The following FBLN7 variants were observed in gnomAD, a reference collection of about 807,000 sequenced individuals.
FBLN7 encodes fibulin-7.
A neutral mutation model predicts 44.0 loss-of-function variants in FBLN7; 31 were observed. The ratio of observed to expected loss-of-function variants is 0.70; its 90% CI spans 0.53 to 0.95. The LOEUF is 0.95. Ranked by LOEUF, FBLN7 falls within the 40% of genes least tolerant of loss-of-function variation. The pLI is 0.00. For synonymous variants in FBLN7, 262 were observed against 253.4 expected (o/e 1.03, Z -0.32); for missense variants, 573 against 618.5 (o/e 0.93, Z 0.78).
At chr2:112,186,166 G>A (rs898735171) in intron 7 of FBLN7, among the ~76,000 whole-genome samples, 4 of 152,094 alleles carry the variant, frequency 2.6e-5, no homozygotes, top group African/African-American at 4.8e-5. Context: ...GGTCTATGAC[G>A]GCCTCTGGGG....
chr2:112,182,541 G>A (rs1487992935), intron 5 of FBLN7, among the ~76,000 whole-genome samples: 2 of 151,766 alleles, frequency 1.3e-5, no homozygotes, highest in African/African-American at 4.8e-5. Flanking sequence ...TGCCTTTCTA[G>A]GGCCTAGCAC....
intron 6 of FBLN7, among the ~76,000 whole-genome samples, chr2:112,184,991 GAGGAC>G (rs1315194026): frequency 1.3e-5 from 2 of 151,874 alleles, no homozygotes; most frequent in Non-Finnish European, 2.9e-5. Flanking sequence ...CCCAGGGAAA[GAGGAC>G]AGGATCCCAG....
At chr2:112,180,751 T>TA (rs1682939832) in intron 4 of FBLN7, among the ~76,000 whole-genome samples, 2 of 151,420 alleles carry the variant, frequency 1.3e-5, no homozygotes, top group Non-Finnish European at 2.9e-5. Flanking sequence ...AAACCCCGTC[T>TA]CTACTAAAAA....
intron 1 of FBLN7, among the ~76,000 whole-genome samples, chr2:112,148,297 C>T (rs1680985680): frequency 6.6e-6 from 1 of 152,112 alleles, no homozygotes; most frequent in Admixed American, 6.5e-5. Context: ...GGGGTATCTG[C>T]CCTCATCCTA....
At chr2:112,193,501 TAAGTA>T in the FBLN7 span, among the ~76,000 whole-genome samples, 1 of 152,340 alleles carries the variant, frequency 6.6e-6, no homozygotes, top group African/African-American at 2.4e-5. Context: ...TTGCATAATT[TAAGTA>T]ATCTATAGAT....
the FBLN7 span, among the ~76,000 whole-genome samples, chr2:112,244,421 T>C: frequency 6.6e-6 from 1 of 152,022 alleles, no homozygotes; most frequent in African/African-American, 2.4e-5. Flanking sequence ...AAATGATACT[T>C]AAAAAAAATT....
chr2:112,186,184 C>G (rs780545791), intron 7 of FBLN7, among the ~76,000 whole-genome samples: 1 of 152,082 alleles, frequency 6.6e-6, no homozygotes, highest in Non-Finnish European at 1.5e-5. Context: ...GGGCATTCGA[C>G]CAACAGCTGG....
chr2:112,173,715 C>G (rs1682590887), intron 3 of FBLN7, among the ~76,000 whole-genome samples: 1 of 152,248 alleles, frequency 6.6e-6, no homozygotes, highest in Non-Finnish European at 1.5e-5. Flanking sequence ...TTTGGCTTGC[C>G]AGCCCCTGCC....
rs961952892 is a variant in FBLN7 at position 112,175,900 on chromosome 2, G to A, written c.532+61G>A. On this transcript the variant is annotated intron_variant, in intron 4 of 7. Transcript: ENST00000331203. ...TGCTGTGGGGAGAGGAGGACCCTAG[G>A]CATAGGTCCCCAAATGCAGACATGT... 6 of 1,576,784 alleles carry A rather than the reference G, an allele frequency of 3.8e-6. No homozygotes were observed. In the African/African-American group the frequency reaches 6.8e-5, roughly 18 times the overall value.
rs1491452697 is a variant in FBLN7 at position 112,160,799 on chromosome 2, C to CAA, written c.235+964_235+965insAA. ...ACGCACACGCACGCACACGCACACA[C>CAA]GCACGCACACACACGCACACACAAG... On this transcript the variant is annotated intron_variant, in intron 2 of 7. Transcript: ENST00000331203. Among the ~76,000 whole-genome samples, 169 of 128,296 alleles carry CAA rather than the reference C, an allele frequency of 1.3e-3. 1 individual carries two copies. Among genetic ancestry groups the CAA allele is most frequent in the African/African-American group, 4.1e-3 (145 of 35,216 alleles). The allele number at this position is 128,296 out of a possible 152,430, so 84.2% of individuals were successfully genotyped here.
intron 6 of FBLN7, among the ~76,000 whole-genome samples, chr2:112,184,073 T>C (rs6542044): frequency 0.7 from 106,652 of 152,086 alleles, 38,344 homozygotes; most frequent in African/African-American, 0.87. Flanking sequence ...GAAGCCCAAG[T>C]GGGATCATCC....
chr2:112,187,700 C>A lies in FBLN7; in HGVS notation c.*194C>A. On this transcript the variant is annotated 3_prime_UTR_variant, in exon 8 of 8. Coordinates refer to ENST00000331203, the MANE Select transcript of FBLN7 (RefSeq NM_153214.3). The surrounding 1 kb of genome is among the most constrained non-coding windows in gnomAD (Gnocchi z 5.1). ...AGCAGCCACAAAACTCAACTGCTGC[C>A]ATCACTCTTTTTTTTTTTCTGCTTT... The A allele has an allele frequency of 1.5e-6, 1 of 654,270 alleles. No homozygotes were observed. Among genetic ancestry groups the A allele is most frequent in the Non-Finnish European group, 2.5e-6 (1 of 395,178 alleles). 40.5% of individuals were successfully genotyped at this position (654,270 alleles called of 1,614,324 possible). A position where few individuals can be genotyped will look rare whatever the true frequency, so the allele number is the denominator to read the frequency against.
chr2:112,205,094 T>A, the FBLN7 span, among the ~76,000 whole-genome samples: 3 of 152,128 alleles, frequency 2.0e-5, no homozygotes, highest in South Asian at 4.1e-4. Flanking sequence ...CACTGTCTAC[T>A]ATAGAAATTA....
At chr2:112,243,485 CTTA>C in the FBLN7 span, among the ~76,000 whole-genome samples, 2 of 152,112 alleles carry the variant, frequency 1.3e-5, no homozygotes, top group Admixed American at 6.5e-5. Context: ...GAAATAAAGT[CTTA>C]TTATATATCA....
At chr2:112,233,819 AG>A in the FBLN7 span, among the ~76,000 whole-genome samples, 4 of 152,166 alleles carry the variant, frequency 2.6e-5, no homozygotes, top group African/African-American at 9.7e-5. Context: ...CAGTGAGCCG[AG>A]AATGCGCCAC....
intron 2 of FBLN7, among the ~76,000 whole-genome samples, chr2:112,160,150 C>T (rs1014674100): frequency 6.6e-6 from 1 of 152,278 alleles, no homozygotes; most frequent in South Asian, 2.1e-4. Flanking sequence ...GCCACCACGC[C>T]CGGCTAATTT....
At chr2:112,160,500 C>T (rs1681703841) in intron 2 of FBLN7, among the ~76,000 whole-genome samples, 1 of 152,232 alleles carries the variant, frequency 6.6e-6, no homozygotes, top group African/African-American at 2.4e-5. Flanking sequence ...CTTTTCCCTT[C>T]CCCGTCCACA....
the FBLN7 span, among the ~76,000 whole-genome samples, chr2:112,227,459 C>T: frequency 2.6e-5 from 4 of 152,102 alleles, no homozygotes; most frequent in African/African-American, 7.2e-5. Context: ...CGCAAGGCCG[C>T]GGTTGCAGTG....
the FBLN7 span, among the ~76,000 whole-genome samples, chr2:112,229,810 A>G: frequency 7.6e-4 from 116 of 152,320 alleles, 4 homozygotes; most frequent in East Asian, 0.017. Context: ...AAAGCTCCAA[A>G]ACTTAAAAAA....
Sources: gnomAD v4.1 joint callset for allele counts (sites outside exome capture counted in the v4.1 genomes callset) on GRCh38, gnomAD v4.1.1 for gene constraint, Gnocchi (gnomAD v3.1) non-coding constraint, MANE v1.5 for transcripts, NCBI Gene and HGNC (gene_info 2026-07-23, HGNC 2026-07-21) for gene names.